STOX2: variants seen among roughly 807,000 people sequenced by gnomAD.
STOX2 encodes storkhead-box protein 2.
STOX2 carries 28 observed loss-of-function variants against 60.9 expected under a neutral mutation model. That is an observed-to-expected ratio of 0.46 (90% CI 0.34 to 0.63). The LOEUF (loss-of-function observed/expected upper bound fraction) is 0.63, where lower values mean the gene tolerates loss of function less well. Among genes scored for constraint, STOX2 ranks in the 30% least tolerant of loss-of-function variants. STOX2 has a pLI of 0.01. For synonymous variants in STOX2, 472 were observed against 463.9 expected (o/e 1.02, Z -0.22); for missense variants, 1,024 against 1,187.7 (o/e 0.86, Z 2.03).
chr4:183,878,882 A>G (rs1364198658), intron 1 of STOX2, among the ~76,000 whole-genome samples: 1 of 150,684 alleles, frequency 6.6e-6, no homozygotes, highest in Non-Finnish European at 1.5e-5. Context: ...TTTTCCCTAA[A>G]GATTTACAGT....
chr4:183,995,871 A>T (rs571876210), intron 1 of STOX2, among the ~76,000 whole-genome samples: 1 of 152,306 alleles, frequency 6.6e-6, no homozygotes, highest in South Asian at 2.1e-4. Context: ...GCCTGGGCTC[A>T]GCATGCTGCA....
chr4:183,835,564 G>A (rs919264429), intron 1 of STOX2, among the ~76,000 whole-genome samples: 3 of 152,102 alleles, frequency 2.0e-5, no homozygotes, highest in African/African-American at 7.2e-5. Flanking sequence ...TTAATGTCCA[G>A]TAATAGTTTT....
rs1316717050 is a variant in STOX2 at position 184,021,461 on chromosome 4, AG to A, written c.*4180del. 6.7e-6 allele frequency: 1 copy of A among 150,270 alleles called. No homozygotes were observed. The highest frequency in any genetic ancestry group is 1.5e-5 in the Non-Finnish European group (1 of 67,724). 9.3% of individuals were successfully genotyped at this position (150,270 alleles called of 1,614,324 possible). On this transcript the variant is annotated 3_prime_UTR_variant, in exon 4 of 4. Transcript: ENST00000308497. ...ATTTTCATTAAAAAAAAAAAAGTTC[AG>A]GGTGTTTGGAATTTTACATCTCAGC...
intron 1 of STOX2, among the ~76,000 whole-genome samples, chr4:183,900,287 A>T (rs775555646): frequency 7.2e-5 from 11 of 152,208 alleles, no homozygotes; most frequent in Non-Finnish European, 1.0e-4. Context: ...GCAGTAGCCC[A>T]TGGATTAAGG....
intron 1 of STOX2, among the ~76,000 whole-genome samples, chr4:183,952,049 G>A (rs1287797038): frequency 6.6e-6 from 1 of 152,180 alleles, no homozygotes; most frequent in Non-Finnish European, 1.5e-5. Context: ...TGTTTGCGGT[G>A]AGATAAACAA....
At chr4:183,811,895 T>C (rs1234387132) in intron 1 of STOX2, among the ~76,000 whole-genome samples, 1 of 151,920 alleles carries the variant, frequency 6.6e-6, no homozygotes, top group Admixed American at 6.6e-5. Context: ...TGTGAGCCCA[T>C]TTCTTATAAA....
intron 1 of STOX2, among the ~76,000 whole-genome samples, chr4:183,887,983 G>A (rs72996706): frequency 0.015 from 2,234 of 152,246 alleles, 49 homozygotes; most frequent in African/African-American, 0.051. Flanking sequence ...CGAGCTCTTA[G>A]CTTCAAGTGA....
chr4:183,949,588 C>T (rs1261715480), intron 1 of STOX2, among the ~76,000 whole-genome samples: 1 of 152,120 alleles, frequency 6.6e-6, no homozygotes, highest in Non-Finnish European at 1.5e-5. Context: ...ATCCCAGCTA[C>T]TCAGGAGGCT....
chr4:183,835,733 C>T (rs1336885546), intron 1 of STOX2, among the ~76,000 whole-genome samples: 1 of 152,194 alleles, frequency 6.6e-6, no homozygotes, highest in Admixed American at 6.5e-5. Context: ...GCTAGTCACA[C>T]CTCCCTGTAG....
At position 184,009,809 on chromosome 4, in the gene STOX2, T is replaced by C. The variant is rs755116519; in HGVS notation, c.971T>C (p.Val324Ala). Residue 324 changes from valine (V) to alanine (A), a missense_variant, in exon 3 of 4, where the codon GTG (valine) becomes GCG (alanine). Val to Ala is a moderately conservative substitution (Grantham distance 64). Around this residue, in one of 3 missense-constraint regions of STOX2, gnomAD observed 922 missense variants for 1,058.3 expected, o/e 0.87. Coordinates refer to ENST00000308497, the MANE Select transcript of STOX2 (RefSeq NM_020225.3). This position sits in a 1 kb window ranked among gnomAD's most constrained non-coding sequence, Gnocchi z 4.0. ...AGGCGCATTAACCCAGACCTGACCG[T>C]GGAAAATGTCATGCGGCACACCGCG... ...IIRRINPDLT[V>A]ENVMRHTALM... 8 of 1,612,350 alleles carry C rather than the reference T, an allele frequency of 5.0e-6. No homozygotes were observed. Among genetic ancestry groups the C allele is most frequent in the Non-Finnish European group, 6.8e-6 (8 of 1,179,326 alleles).
chr4:183,933,041 T>C (rs60403941), intron 1 of STOX2, among the ~76,000 whole-genome samples: 2,282 of 152,342 alleles, frequency 0.015, 73 homozygotes, highest in African/African-American at 0.052. Flanking sequence ...TAAATGACCA[T>C]GAAAAATATA....
At chr4:184,014,110 C>CAAAAAAAAAAAAA (rs10527539) in intron 3 of STOX2, 5 of 138,640 alleles carry the variant, frequency 3.6e-5, no homozygotes, top group African/African-American at 1.3e-4. Flanking sequence ...AAGCCCCAAC[C>CAAAAAAAAAAAAA]AAAAAAAAAA....
Position 184,010,855 on chromosome 4 carries a change from G to T in STOX2, c.2017G>T (p.Glu673Ter). Residue 673 changes from glutamate (E) to a stop codon, truncating the protein, a stop_gained, in exon 3 of 4, where the codon GAA becomes TAA. Transcript: ENST00000308497. LOFTEE classifies it high-confidence loss of function. This position sits in a 1 kb window ranked among gnomAD's most constrained non-coding sequence, Gnocchi z 4.5. ...CCCCGCTGCTTCGGGAGGAGTGGCT[G>T]AAGGGATCGCCAACGGACGCCTCGT... ...GGPAASGGVAEGIANGRLVQH... is the reference protein window; with the variant it reads ...GGPAASGGVA 1 of 1,606,914 alleles carries T rather than the reference G, an allele frequency of 6.2e-7. No homozygotes were observed. The highest frequency in any genetic ancestry group is 8.5e-7 in the Non-Finnish European group (1 of 1,176,480).
intron 1 of STOX2, among the ~76,000 whole-genome samples, chr4:183,808,191 T>C (rs1027475269): frequency 3.3e-5 from 5 of 152,234 alleles, no homozygotes; most frequent in Non-Finnish European, 7.3e-5. Flanking sequence ...TCTGCGGCGC[T>C]TCTGGAAAGA....
upstream of STOX2, among the ~76,000 whole-genome samples, chr4:183,903,032 AAACTT>A (rs1741497004): frequency 6.6e-6 from 1 of 152,236 alleles, no homozygotes; most frequent in South Asian, 2.1e-4. Flanking sequence ...AGTGCGATTC[AAACTT>A]ACTTCCAGAA....
chr4:183,802,205 A>G (rs904202017), intron 1 of STOX2, among the ~76,000 whole-genome samples: 11 of 152,238 alleles, frequency 7.2e-5, no homozygotes, highest in African/African-American at 2.4e-4. Flanking sequence ...TAAATAGTTC[A>G]GACCAAATAC....
At position 183,964,686 on chromosome 4, in the gene STOX2, G is replaced by A. The variant is rs568609175; in HGVS notation, c.167-36639G>A. 2.7e-3 allele frequency among the ~76,000 whole-genome samples: 417 copies of A among 152,212 alleles called. 1 individual carries two copies. The highest frequency in any genetic ancestry group is 4.6e-3 in the Non-Finnish European group (312 of 68,002). On this transcript the variant is annotated intron_variant, in intron 1 of 3. Transcript: ENST00000308497. ...CAACCCCCGCCTCCCAGGTTCAAGC[G>A]ATTCTCCCACCTCAGGCTCCCAAGT... is the stretch of plus-strand genomic sequence containing the variant.
At chr4:183,914,415 T>C (rs1014259504) in intron 1 of STOX2, among the ~76,000 whole-genome samples, 5 of 152,164 alleles carry the variant, frequency 3.3e-5, no homozygotes, top group African/African-American at 9.7e-5. Flanking sequence ...TCCAGCCTGG[T>C]TGACAGAAGG....
upstream of STOX2, among the ~76,000 whole-genome samples, chr4:183,903,527 G>A (rs962303943): frequency 6.6e-6 from 1 of 152,154 alleles, no homozygotes; most frequent in African/African-American, 2.4e-5. Context: ...GGTCATGTGT[G>A]GTGTTCTGTT....
Sources: allele counts gnomAD v4.1 joint callset (sites outside exome capture counted in the v4.1 genomes callset), GRCh38; gene constraint gnomAD v4.1.1; regional missense constraint gnomAD v4.1.1; non-coding constraint Gnocchi (gnomAD v3.1); transcripts MANE v1.5; gene names NCBI Gene and HGNC (gene_info 2026-07-23, HGNC 2026-07-21).